Variants in GPC5 observed in about 807,000 individuals in gnomAD.
The protein encoded by GPC5 is glypican-5.
Under a neutral mutation model 53.9 loss-of-function variants are expected in GPC5, and 47 were observed. The ratio of observed to expected loss-of-function variants is 0.87; its 90% CI spans 0.69 to 1.11. The LOEUF (loss-of-function observed/expected upper bound fraction) is 1.11. Among genes scored for constraint, GPC5 ranks in the 50% most tolerant of loss-of-function variants. The pLI is 0.00. For synonymous variants in GPC5, 286 were observed against 263.3 expected, an observed-to-expected ratio of 1.09 and a Z score of -0.84; for missense variants, 748 against 713.1, an observed-to-expected ratio of 1.05 and a Z score of -0.56.
At chr13:92,389,041 T>G (rs1004171028) in intron 7 of GPC5, among the ~76,000 whole-genome samples, 1 of 152,074 alleles carries the variant, frequency 6.6e-6, no homozygotes, top group Non-Finnish European at 1.5e-5. Context: ...AGCCAGACAC[T>G]GCACTTCTCT....
At chr13:92,385,136 T>G (rs2043781512) in intron 7 of GPC5, among the ~76,000 whole-genome samples, 1 of 151,898 alleles carries the variant, frequency 6.6e-6, no homozygotes, top group Non-Finnish European at 1.5e-5. Flanking sequence ...CATTTTAAAG[T>G]GTTGAAATAT....
chr13:92,071,906 A>T (rs1254057848), intron 6 of GPC5, among the ~76,000 whole-genome samples: 1 of 146,646 alleles, frequency 6.8e-6, no homozygotes, highest in African/African-American at 2.5e-5. Context: ...TATTTTATAC[A>T]TATATGTATA....
chr13:92,524,142 A>G (rs1881181565), intron 7 of GPC5, among the ~76,000 whole-genome samples: 1 of 152,076 alleles, frequency 6.6e-6, no homozygotes, highest in Non-Finnish European at 1.5e-5. Context: ...ATTTCTCTGT[A>G]GCATGCGATG....
Position 91,965,777 on chromosome 13 carries a change from C to A in GPC5, c.1401+57720C>A, listed in dbSNP as rs367641291. 5.3e-5 allele frequency among the ~76,000 whole-genome samples: 8 copies of A among 152,246 alleles called. No individual in the cohort carries two copies. The South Asian group carries it at 8.3e-4, about 16-fold the overall frequency. ...TCCATTCAGTACATCCGTGCTTGAGCTGTTGCCATTGTGTGGGATTTTCAC... is the reference window on the plus strand; with the variant it reads ...TCCATTCAGTACATCCGTGCTTGAGATGTTGCCATTGTGTGGGATTTTCAC... On this transcript the variant is annotated intron_variant, in intron 6 of 7. Coordinates refer to ENST00000377067, the MANE Select transcript of GPC5 (RefSeq NM_004466.6).
chr13:91,927,325 G>T (rs17299452), intron 6 of GPC5, among the ~76,000 whole-genome samples: 2,019 of 151,956 alleles, frequency 0.013, 79 homozygotes, highest in East Asian at 0.11. Context: ...CATTTTTTGC[G>T]GTCTTAATAT....
At chr13:91,593,156 C>T (rs551247214) in intron 2 of GPC5, among the ~76,000 whole-genome samples, 1 of 152,286 alleles carries the variant, frequency 6.6e-6, no homozygotes, top group African/African-American at 2.4e-5. Context: ...CCCACATTTC[C>T]TTAACTCACC....
chr13:91,929,982 C>A (rs2039806482), intron 6 of GPC5, among the ~76,000 whole-genome samples: 1 of 151,832 alleles, frequency 6.6e-6, no homozygotes, highest in Non-Finnish European at 1.5e-5. Context: ...GAACAATTCC[C>A]AAATGTAATT....
rs752130758 is a variant in GPC5 at position 92,708,857 on chromosome 13, C to CTTTTTTTTTTTTTTTTTTTTTTTTTTTT, written c.1562-157409_1562-157382dup. Reference sequence around the variant, plus strand: ...CTAGCAGCATCTAGCTGGAAACCGCCTTTTTTTTTTTTTTTTTTTTTTTTT... The same window carrying CTTTTTTTTTTTTTTTTTTTTTTTTTTTT: ...CTAGCAGCATCTAGCTGGAAACCGCCTTTTTTTTTTTTTTTTTTTTTTTTTTTTTTTTTTTTTTTTTTTTTTTTTTTTT... On this transcript the variant is annotated intron_variant, in intron 7 of 7. Coordinates refer to ENST00000377067, the MANE Select transcript of GPC5 (RefSeq NM_004466.6). Among the ~76,000 whole-genome samples, 4 of 48,140 alleles carry CTTTTTTTTTTTTTTTTTTTTTTTTTTTT rather than the reference C, an allele frequency of 8.3e-5. 2 individuals are homozygous for CTTTTTTTTTTTTTTTTTTTTTTTTTTTT. Among genetic ancestry groups the CTTTTTTTTTTTTTTTTTTTTTTTTTTTT allele is most frequent in the Admixed American group, 6.2e-4 (2 of 3,230 alleles). 31.6% of individuals were successfully genotyped at this position (48,140 alleles called of 152,430 possible). A position where few individuals can be genotyped will look rare whatever the true frequency, so the allele number is the denominator to read the frequency against.
intron 7 of GPC5, among the ~76,000 whole-genome samples, chr13:92,761,953 G>A (rs535227825): frequency 7.0e-4 from 107 of 151,868 alleles, no homozygotes; most frequent in Non-Finnish European, 1.2e-3. Flanking sequence ...AGAAATAAAA[G>A]AGAAATAAAG....
At chr13:92,739,727 AAGAGAG>A (rs142048278) in intron 7 of GPC5, among the ~76,000 whole-genome samples, 1 of 148,094 alleles carries the variant, frequency 6.8e-6, no homozygotes, top group African/African-American at 2.6e-5. Context: ...AAGAAAAAAA[AAGAGAG>A]AGAGAGAGAG....
chr13:92,067,662 G>A (rs1391847355), intron 6 of GPC5, among the ~76,000 whole-genome samples: 2 of 151,928 alleles, frequency 1.3e-5, no homozygotes, highest in African/African-American at 4.8e-5. Context: ...TTATCAAGTT[G>A]TATATGCTGT....
rs193194193 is a variant in GPC5, at chr13:92,749,949, C to T, written c.1562-116333C>T. 5.9e-5 allele frequency among the ~76,000 whole-genome samples: 9 copies of T among 152,264 alleles called. 1 individual carries two copies. The highest frequency in any genetic ancestry group is 5.2e-4 in the Admixed American group (8 of 15,290). ...TTATAGTAGAAGTATCTGAACCAAA[C>T]TGTTTCTCTCCCAGCCAGAGGCTGG... On this transcript the variant is annotated intron_variant, in intron 7 of 7. Transcript: ENST00000377067.
intron 2 of GPC5, among the ~76,000 whole-genome samples, chr13:91,571,891 GTATATACACATAT>G (rs373599176): frequency 0.052 from 4,000 of 77,008 alleles, 515 homozygotes; most frequent in Non-Finnish European, 0.057. Context: ...ATATACGTGT[GTATATACACATAT>G]TGTATATATA....
chr13:91,748,959 G>T (rs2037110472), intron 4 of GPC5, among the ~76,000 whole-genome samples: 1 of 152,088 alleles, frequency 6.6e-6, no homozygotes, highest in South Asian at 2.1e-4. Flanking sequence ...GAGAGAAGGG[G>T]GACTGTCATG....
intron 6 of GPC5, among the ~76,000 whole-genome samples, chr13:92,027,912 A>C (rs2040812642): frequency 6.6e-6 from 1 of 152,090 alleles, no homozygotes; most frequent in South Asian, 2.1e-4. Flanking sequence ...ATCCCACCTA[A>C]AACATCGATA....
chr13:91,846,995 G>A (rs1376131673), intron 5 of GPC5, among the ~76,000 whole-genome samples: 4 of 151,894 alleles, frequency 2.6e-5, no homozygotes, highest in East Asian at 1.9e-4. Context: ...TGAGGTGCGC[G>A]GATCACTAGG....
intron 2 of GPC5, among the ~76,000 whole-genome samples, chr13:91,543,073 G>A (rs549523661): frequency 6.6e-6 from 1 of 152,040 alleles, no homozygotes; most frequent in Non-Finnish European, 1.5e-5. Flanking sequence ...AGCCAGGATG[G>A]TCTTGACCTC....
intron 7 of GPC5, among the ~76,000 whole-genome samples, chr13:92,801,478 T>C (rs1367453001): frequency 6.6e-6 from 1 of 151,850 alleles, no homozygotes; most frequent in African/African-American, 2.4e-5. Flanking sequence ...TTGATAATAA[T>C]AAATGACTAT....
In GPC5 at chr13:91,571,784, T is replaced by TATACGTGTGTGTATATATACACACAC. The variant is rs1210721774; in HGVS notation, c.326-121379_326-121354dup. On this transcript the variant is annotated intron_variant, in intron 2 of 7. Coordinates refer to ENST00000377067, the MANE Select transcript of GPC5 (RefSeq NM_004466.6). ...ATGTGTATGTGTATATACACACACA[T>TATACGTGTGTGTATATATACACACAC]ATACGTGTGTGTATATATACACACA... Among the ~76,000 whole-genome samples, 46 of 125,446 alleles carry TATACGTGTGTGTATATATACACACAC rather than the reference T, an allele frequency of 3.7e-4. 3 individuals are homozygous for TATACGTGTGTGTATATATACACACAC. The highest frequency in any genetic ancestry group is 9.4e-4 in the East Asian group (4 of 4,244). The allele number at this position is 125,446 out of a possible 152,430, so 82.3% of individuals were successfully genotyped here.
Sources: gnomAD v4.1 joint callset for allele counts (sites outside exome capture counted in the v4.1 genomes callset) on GRCh38, gnomAD v4.1.1 for gene constraint, MANE v1.5 for transcripts, NCBI Gene and HGNC (gene_info 2026-07-23, HGNC 2026-07-21) for gene names.